Variants in ZGRF1 observed in about 807,000 individuals in gnomAD.
The protein encoded by ZGRF1 is zinc finger GRF-type containing 1.
Under a neutral mutation model 203.5 loss-of-function variants are expected in ZGRF1, and 196 were observed. The observed-to-expected ratio is 0.96, with a 90% confidence interval of 0.86 to 1.08. ZGRF1 has a LOEUF of 1.08. Among genes scored for constraint, ZGRF1 ranks in the 50% least tolerant of loss-of-function variants. ZGRF1 has a pLI of 0.00. For synonymous variants in ZGRF1, 809 were observed against 841.3 expected (o/e 0.96, Z 0.66); for missense variants, 2,326 against 2,416.3 (o/e 0.96, Z 0.78).
intron 11 of ZGRF1, 200 bp downstream of exon 11, chr4:112,589,524 C>T: frequency 1.8e-6 from 1 of 561,620 alleles, no homozygotes; most frequent in Non-Finnish European, 3.1e-6. Flanking sequence ...CAAGAAGGAA[C>T]TAGATAGCTA....
chr4:112,620,162 T>A lies in ZGRF1; in HGVS notation c.191A>T (p.Asp64Val). The A allele has an allele frequency of 6.2e-7, 1 of 1,607,564 alleles. No homozygotes were observed. Among genetic ancestry groups the A allele is most frequent in the Non-Finnish European group, 8.5e-7 (1 of 1,178,130 alleles). Residue 64 changes from aspartate (D) to valine (V), a missense_variant, in exon 5 of 28, where the codon GAT (aspartate) becomes GTT (valine). Transcript: ENST00000505019. Reference protein sequence around the residue: ...EVKPGDDLESDRYLITVEEVK... With the variant: ...EVKPGDDLESVRYLITVEEVK... ...CTCTTCAACTGTGATTAAGTATCGA[T>A]CACTTTCTAAGTCATCTCCAGGTTT...
intron 15 of ZGRF1, 92 bp downstream of exon 15, chr4:112,583,886 A>G (rs371166955): frequency 1.2e-6 from 1 of 805,602 alleles, no homozygotes; most frequent in South Asian, 2.4e-5. Flanking sequence ...TAGTTTTCCT[A>G]TCTTAATCTC....
chr4:112,622,873 G>A (rs565308175), intron 4 of ZGRF1, among the ~76,000 whole-genome samples: 10 of 152,160 alleles, frequency 6.6e-5, no homozygotes, highest in Non-Finnish European at 1.5e-4. Flanking sequence ...TTGTTATATA[G>A]GTAAACCCGT....
intron 22 of ZGRF1, among the ~76,000 whole-genome samples, chr4:112,551,010 A>G (rs1243593874): frequency 1.3e-5 from 2 of 152,164 alleles, no homozygotes; most frequent in Non-Finnish European, 2.9e-5. Flanking sequence ...TTAAAAAGCT[A>G]TAGTATATAT....
intron 23 of ZGRF1, 45 bp from the exon 24 acceptor site, chr4:112,547,453 G>A (rs184717250): frequency 1.3e-6 from 2 of 1,561,506 alleles, no homozygotes; most frequent in Admixed American, 2.0e-5. Flanking sequence ...TAAAATGGGT[G>A]CATTAACATC....
At chr4:112,554,918 TCAAA>T (rs143786418) in intron 20 of ZGRF1, 136 bp from the exon 21 acceptor site, 63 of 470,758 alleles carry the variant, frequency 1.3e-4, no homozygotes, top group African/African-American at 4.4e-4. Context: ...ATACCTAAAC[TCAAA>T]CAAAGTAAAT....
chr4:112,576,419 C>A (rs554774964), intron 16 of ZGRF1, among the ~76,000 whole-genome samples: 1 of 152,304 alleles, frequency 6.6e-6, no homozygotes, highest in East Asian at 1.9e-4. Context: ...CAGAACAAAG[C>A]TGGACAGAGA....
chr4:112,567,662 A>G (rs979072852), intron 16 of ZGRF1, among the ~76,000 whole-genome samples: 1 of 152,196 alleles, frequency 6.6e-6, no homozygotes, highest in African/African-American at 2.4e-5. Context: ...ACAATGGCTC[A>G]CACCTATAAT....
intron 10 of ZGRF1, among the ~76,000 whole-genome samples, chr4:112,600,152 C>T (rs1749710003): frequency 6.6e-6 from 1 of 152,186 alleles, no homozygotes; most frequent in South Asian, 2.1e-4. Flanking sequence ...CTACCTCAGC[C>T]TGCTGGGTAG....
At chr4:112,633,012 G>C in intron 2 of ZGRF1, 144 bp downstream of exon 2, 1 of 737,096 alleles carries the variant, frequency 1.4e-6, no homozygotes, top group Non-Finnish European at 2.4e-6. Flanking sequence ...TTGTTTATTT[G>C]AAATTCAAAT....
intron 16 of ZGRF1, among the ~76,000 whole-genome samples, chr4:112,576,567 G>C (rs567510760): frequency 6.6e-6 from 1 of 152,054 alleles, no homozygotes; most frequent in Non-Finnish European, 1.5e-5. Flanking sequence ...AATAACCAAC[G>C]CACAGAAGTC....
Position 112,617,968 on chromosome 4 carries a change from G to C in ZGRF1, c.2074C>G (p.Pro692Ala). 1 of 1,612,918 alleles carries C rather than the reference G, an allele frequency of 6.2e-7. No individual in the cohort carries two copies. The change falls in exon 6 of 28, where the codon CCT (proline) becomes GCT (alanine). Residue 692 changes from proline (P) to alanine (A), a missense_variant. Physicochemically the swap from Pro to Ala is conservative, Grantham distance 27 (BLOSUM62 -1). Coordinates refer to ENST00000505019, the MANE Select transcript of ZGRF1 (RefSeq NM_018392.5). ...TCAGCAATCTGGTTTTGAATATGAG[G>C]AATATGTAAATTCATGTTTATACCT... ...SKGINMNLHI[P>A]HIQNQIAENS...
chr4:112,623,015 G>A (rs1378441256), intron 4 of ZGRF1, among the ~76,000 whole-genome samples: 12 of 151,884 alleles, frequency 7.9e-5, no homozygotes, highest in Admixed American at 2.6e-4. Flanking sequence ...TGTTGTTCCC[G>A]TTTGTCCATG....
At chr4:112,568,534 A>C (rs1380348130) in intron 16 of ZGRF1, among the ~76,000 whole-genome samples, 1 of 150,770 alleles carries the variant, frequency 6.6e-6, no homozygotes, top group Non-Finnish European at 1.5e-5. Flanking sequence ...AACATGGTGA[A>C]ACCGTGTCTC....
intron 19 of ZGRF1, among the ~76,000 whole-genome samples, chr4:112,559,861 AT>A (rs1741625559): frequency 6.6e-6 from 1 of 152,218 alleles, no homozygotes; most frequent in Admixed American, 6.5e-5. Flanking sequence ...ATATGGAGGT[AT>A]GATGAAGGCT....
At chr4:112,542,737 C>A (rs1737902217) in intron 24 of ZGRF1, among the ~76,000 whole-genome samples, 1 of 152,068 alleles carries the variant, frequency 6.6e-6, no homozygotes. Flanking sequence ...CCCCACCCAA[C>A]TTTATCTATT....
intron 8 of ZGRF1, among the ~76,000 whole-genome samples, chr4:112,608,728 A>G (rs1417670330): frequency 6.6e-6 from 1 of 152,258 alleles, no homozygotes; most frequent in Admixed American, 6.5e-5. Flanking sequence ...TTATAATTTT[A>G]TATGTGTAAT....
chr4:112,621,146 A>G (rs2047048114), intron 4 of ZGRF1, among the ~76,000 whole-genome samples: 1 of 152,224 alleles, frequency 6.6e-6, no homozygotes, highest in South Asian at 2.1e-4. Context: ...CCTCCCAAGC[A>G]ATTCACTTAG....
At chr4:112,540,151 T>C in intron 26 of ZGRF1, 27 bp from the exon 27 acceptor site, 1 of 1,481,108 alleles carries the variant, frequency 6.8e-7, no homozygotes, top group Non-Finnish European at 9.0e-7. Flanking sequence ...AGCAATCATG[T>C]AGTAAGAGAT....
Sources: allele counts gnomAD v4.1 joint callset (sites outside exome capture counted in the v4.1 genomes callset), GRCh38; gene constraint gnomAD v4.1.1; transcripts MANE v1.5; gene names NCBI Gene and HGNC (gene_info 2026-07-23, HGNC 2026-07-21).